CTNND2: variants seen among roughly 807,000 people sequenced by gnomAD.
The protein encoded by CTNND2 is catenin delta-2.
CTNND2 carries 22 observed loss-of-function variants against 144.4 expected under a neutral mutation model. That is an observed-to-expected ratio of 0.15 (90% CI 0.11 to 0.22). CTNND2 has a LOEUF of 0.22. CTNND2 is among the 10% of genes least tolerant of loss of function. CTNND2 has a pLI of 1.00. For synonymous variants in CTNND2, 751 were observed against 695.6 expected (o/e 1.08, Z -1.25); for missense variants, 1,353 against 1,618.8 (o/e 0.84, Z 2.82).
chr5:11,847,166 A>ATC (rs1460323847), intron 1 of CTNND2, among the ~76,000 whole-genome samples: 3 of 125,376 alleles, frequency 2.4e-5, no homozygotes, highest in Non-Finnish European at 3.4e-5. Flanking sequence ...ATATATATAT[A>ATC]TATATATATG....
At chr5:10,991,704 G>A (rs2149498937) in intron 19 of CTNND2, among the ~76,000 whole-genome samples, 1 of 152,278 alleles carries the variant, frequency 6.6e-6, no homozygotes, top group African/African-American at 2.4e-5. Flanking sequence ...TAAATGGAAT[G>A]ACATGGAAGT....
chr5:11,706,722 G>A (rs924309850), intron 2 of CTNND2, among the ~76,000 whole-genome samples: 1 of 152,054 alleles, frequency 6.6e-6, no homozygotes, highest in East Asian at 1.9e-4. Flanking sequence ...TCTGAGATTT[G>A]CACAAATTGT....
chr5:11,006,456 C>A (rs1454339092), intron 18 of CTNND2, among the ~76,000 whole-genome samples: 1 of 152,182 alleles, frequency 6.6e-6, no homozygotes, highest in African/African-American at 2.4e-5. Context: ...AGTCTGGGTC[C>A]CGAGTGCCCA....
At chr5:11,423,356 C>T (rs554326879) in intron 3 of CTNND2, among the ~76,000 whole-genome samples, 52 of 152,332 alleles carry the variant, frequency 3.4e-4, no homozygotes, top group African/African-American at 1.2e-3. Flanking sequence ...CTCACTGCAT[C>T]TCTCAGGTGG....
intron 10 of CTNND2, among the ~76,000 whole-genome samples, chr5:11,225,832 T>G (rs1256854465): frequency 1.3e-5 from 2 of 152,198 alleles, no homozygotes; most frequent in Admixed American, 1.3e-4. Flanking sequence ...AAACGTGACC[T>G]TGTTTGGAAA....
At chr5:11,107,265 CTAGA>C (rs1752517140) in intron 14 of CTNND2, among the ~76,000 whole-genome samples, 1 of 152,182 alleles carries the variant, frequency 6.6e-6, no homozygotes, top group South Asian at 2.1e-4. Context: ...AAATGTATAC[CTAGA>C]TATTTATCAT....
chr5:11,081,805 T>C (rs61757069), intron 16 of CTNND2, among the ~76,000 whole-genome samples: 6,012 of 152,218 alleles, frequency 0.039, 152 homozygotes, highest in Middle Eastern at 0.068. Context: ...AGAGAGCAGA[T>C]TGATGGTTGC....
chr5:11,166,335 G>C (rs35061990), intron 11 of CTNND2, among the ~76,000 whole-genome samples: 4,313 of 143,148 alleles, frequency 0.03, 147 homozygotes, highest in East Asian at 0.09. Context: ...TGCAAGCTCT[G>C]CCTCCTGGAT....
intron 10 of CTNND2, among the ~76,000 whole-genome samples, chr5:11,202,890 C>T (rs560383618): frequency 6.6e-6 from 1 of 152,264 alleles, no homozygotes; most frequent in Non-Finnish European, 1.5e-5. Flanking sequence ...CTAAAACCTC[C>T]TCCTCCCGGG....
At chr5:11,035,974 A>G (rs1379504274) in intron 16 of CTNND2, among the ~76,000 whole-genome samples, 1 of 152,184 alleles carries the variant, frequency 6.6e-6, no homozygotes. Flanking sequence ...TTACATGAGT[A>G]GGGTACAAAA....
intron 1 of CTNND2, among the ~76,000 whole-genome samples, chr5:11,883,868 C>A (rs1736317692): frequency 6.6e-6 from 1 of 152,168 alleles, no homozygotes; most frequent in Non-Finnish European, 1.5e-5. Flanking sequence ...TTAATGATCG[C>A]CATGCTAACT....
chr5:11,056,048 G>T (rs547309714), intron 16 of CTNND2, among the ~76,000 whole-genome samples: 65 of 152,310 alleles, frequency 4.3e-4, no homozygotes, highest in African/African-American at 9.6e-4. Flanking sequence ...ATGAGTAGTT[G>T]CAACATGCAG....
At chr5:11,175,138 T>C (rs932857451) in intron 11 of CTNND2, among the ~76,000 whole-genome samples, 4 of 152,134 alleles carry the variant, frequency 2.6e-5, no homozygotes, top group African/African-American at 9.7e-5. Context: ...TTTTTTTACA[T>C]AGTAATTTCT....
chr5:11,613,548 C>T lies in CTNND2; in HGVS notation c.175-48492G>A, dbSNP rs146473634. 2.7e-3 allele frequency among the ~76,000 whole-genome samples: 410 copies of T among 152,268 alleles called. 1 individual carries two copies. The highest frequency in any genetic ancestry group is 1.2e-3 in the Non-Finnish European group (82 of 68,022). On this transcript the variant is annotated intron_variant, in intron 2 of 21. Transcript: ENST00000304623. ...TCAGGCATTCAAAGACATTAATGGACGCCTCTGAATTGAATTTGTATGTAT... is the reference window on the plus strand; with the variant it reads ...TCAGGCATTCAAAGACATTAATGGATGCCTCTGAATTGAATTTGTATGTAT...
chr5:11,017,961 A>G lies in CTNND2; in HGVS notation c.3084+13T>C, dbSNP rs758736530. The G allele has an allele frequency of 1.2e-6, 2 of 1,610,774 alleles. No individual in the cohort carries two copies. Among genetic ancestry groups the G allele is most frequent in the Admixed American group, 3.3e-5 (2 of 59,952 alleles). On this transcript the variant is annotated intron_variant, in intron 18 of 21. Transcript: ENST00000304623. ...AGTGTTTGGACTCAGGGCCCAGGTG[A>G]AGCCAGCCTTACCTTTTTGTAGAGA...
intron 2 of CTNND2, among the ~76,000 whole-genome samples, chr5:11,680,186 G>T (rs1348540851): frequency 1.3e-5 from 2 of 152,090 alleles, no homozygotes; most frequent in African/African-American, 4.8e-5. Flanking sequence ...GCCAGAGCAG[G>T]GAAAAGTGAG....
intron 1 of CTNND2, among the ~76,000 whole-genome samples, chr5:11,902,173 G>A (rs1737953974): frequency 1.3e-5 from 2 of 152,118 alleles, no homozygotes; most frequent in African/African-American, 4.8e-5. Flanking sequence ...TTCAAGCCCT[G>A]AGCCCTTGGA....
At chr5:11,380,550 A>G (rs758432907) in intron 7 of CTNND2, among the ~76,000 whole-genome samples, 80 of 152,234 alleles carry the variant, frequency 5.3e-4, no homozygotes, top group Non-Finnish European at 9.6e-4. Flanking sequence ...AGGTAGCTCT[A>G]TATGATAAAA....
chr5:10,997,679 A>G lies in CTNND2; in HGVS notation c.3085-5002T>C, dbSNP rs529459580. ...GTCCTAAATATGACTGAATGGGGAC[A>G]GATCATTTTATGTTTGTCTCATTGC... On this transcript the variant is annotated intron_variant, in intron 18 of 21. Coordinates refer to ENST00000304623, the MANE Select transcript of CTNND2 (RefSeq NM_001332.4). Among the ~76,000 whole-genome samples, 3 of 152,288 alleles carry G rather than the reference A, an allele frequency of 2.0e-5. 1 individual carries two copies. Among genetic ancestry groups the G allele is most frequent in the Middle Eastern group, 6.8e-3 (2 of 294 alleles).
Sources: allele counts gnomAD v4.1 joint callset (sites outside exome capture counted in the v4.1 genomes callset), GRCh38; gene constraint gnomAD v4.1.1; transcripts MANE v1.5; gene names NCBI Gene and HGNC (gene_info 2026-07-23, HGNC 2026-07-21).